The following GFRA3 variants were observed in gnomAD, a reference collection of about 807,000 sequenced individuals.
GFRA3 encodes GDNF family receptor alpha-3.
GFRA3 carries 24 observed loss-of-function variants against 40.0 expected under a neutral mutation model. That is an observed-to-expected ratio of 0.60 (90% CI 0.43 to 0.84). The LOEUF is 0.84. Among genes scored for constraint, GFRA3 ranks in the 40% least tolerant of loss-of-function variants. The pLI, the probability that GFRA3 is intolerant of heterozygous loss-of-function variation, is 0.00. For missense variants in GFRA3, 405 were observed against 530.6 expected (o/e 0.76, Z 2.33); for synonymous variants, 203 against 213.5 (o/e 0.95, Z 0.43).
In GFRA3 at chr5:138,257,650, G is replaced by C. The variant is rs750224210; in HGVS notation, c.774C>G (p.Asp258Glu). ...CCCAAACTACACACCTGCAAAGCGG[G>C]TCGGAGAAGCAGAGGCGCCGCAGCT... Reference protein sequence around the residue: ...CLELRRLCFSDPLCRSRLVDF... With the variant: ...CLELRRLCFSEPLCRSRLVDF... The change falls in exon 4 of 8, where the codon GAC becomes GAG. Residue 258 changes from aspartate (D) to glutamate (E), a missense_variant. Physicochemically the swap from Asp to Glu is conservative, Grantham distance 45. Transcript: ENST00000274721. 6.2e-7 allele frequency: 1 copy of C among 1,609,330 alleles called. No individual in the cohort carries two copies. Among genetic ancestry groups the C allele is most frequent in the Non-Finnish European group, 8.5e-7 (1 of 1,178,938 alleles).
At position 138,257,754 on chromosome 5, in the gene GFRA3, C is replaced by A; in HGVS notation, c.670G>T (p.Asp224Tyr). 1 of 1,610,086 alleles carries A rather than the reference C, an allele frequency of 6.2e-7. No homozygotes were observed. The highest frequency in any genetic ancestry group is 1.1e-5 in the South Asian group (1 of 90,888). Residue 224 changes from aspartate (D) to tyrosine (Y), a missense_variant, in exon 4 of 8, where the codon GAC becomes TAC. Transcript: ENST00000274721. ...GLLLCPCAPN[D>Y]RGCGERRRNT... Reference sequence around the variant, plus strand: ...CGCCGGCGCTCCCCGCAGCCCCGGTCGTTGGGGGCACATGGGCACAGTAGC... The same window carrying A: ...CGCCGGCGCTCCCCGCAGCCCCGGTAGTTGGGGGCACATGGGCACAGTAGC...
intron 2 of GFRA3, among the ~76,000 whole-genome samples, chr5:138,263,123 G>A (rs1755735356): frequency 6.6e-6 from 1 of 151,958 alleles, no homozygotes; most frequent in African/African-American, 2.4e-5. Flanking sequence ...CCACCACCAT[G>A]CCCAGCTAAT....
Position 138,253,028 on chromosome 5 carries a change from G to C in GFRA3, c.1143C>G (p.Pro381=), listed in dbSNP as rs1448702074. 2 of 1,605,898 alleles carry C rather than the reference G, an allele frequency of 1.2e-6. No homozygotes were observed. The highest frequency in any genetic ancestry group is 1.7e-5 in the Admixed American group (1 of 59,962). The change falls in exon 8 of 8, where the codon CCC becomes CCG. Residue 381 remains proline, a synonymous_variant. Transcript: ENST00000274721. ...QNENPAVRPQ[P]WVPSLFSCTL... Reference sequence around the variant, plus strand: ...TGCAGGAGAAAAGAGAGGGCACCCAGGGCTGTGGCCTCACAGCAGGGTTTT... The same window carrying C: ...TGCAGGAGAAAAGAGAGGGCACCCACGGCTGTGGCCTCACAGCAGGGTTTT...
At chr5:138,264,575 T>C in intron 1 of GFRA3, 27 bp from the exon 2 acceptor site, 1 of 1,499,836 alleles carries the variant, frequency 6.7e-7, no homozygotes, top group Non-Finnish European at 9.1e-7. Context: ...CAGGTGAGGC[T>C]ACGTAAGATT....
At chr5:138,254,025 A>G in intron 5 of GFRA3, 32 bp downstream of exon 5, 3 of 1,559,794 alleles carry the variant, frequency 1.9e-6, no homozygotes. Context: ...CCTAGCCAAC[A>G]TAGGGTTCCC....
chr5:138,268,924 C>CA (rs70979600), intron 1 of GFRA3, among the ~76,000 whole-genome samples: 36,365 of 91,924 alleles, frequency 0.4, 6,033 homozygotes, highest in South Asian at 0.48. Flanking sequence ...GACTCCATCT[C>CA]AAAAAAAAAA....
At chr5:138,257,452 GA>G (rs1415419598) in intron 4 of GFRA3, among the ~76,000 whole-genome samples, 186 bp downstream of exon 4, 2 of 151,826 alleles carry the variant, frequency 1.3e-5, no homozygotes, top group Admixed American at 6.6e-5. Context: ...TTACAGCAAA[GA>G]AAAAAAAGAC....
At chr5:138,260,638 G>A (rs747641146) in intron 2 of GFRA3, among the ~76,000 whole-genome samples, 18 of 152,046 alleles carry the variant, frequency 1.2e-4, no homozygotes, top group Non-Finnish European at 2.5e-4. Flanking sequence ...GCATGGTGGC[G>A]CATGCCTGTA....
At chr5:138,256,353 C>A (rs574905951) in intron 4 of GFRA3, among the ~76,000 whole-genome samples, 1 of 151,394 alleles carries the variant, frequency 6.6e-6, no homozygotes, top group South Asian at 2.1e-4. Flanking sequence ...ACGGTGAAAC[C>A]CCGTCTCTAC....
intron 2 of GFRA3, among the ~76,000 whole-genome samples, chr5:138,263,353 T>C (rs1389843516): frequency 1.3e-5 from 2 of 152,216 alleles, no homozygotes. Flanking sequence ...GAGAAATGAA[T>C]ACTTTGACAA....
In GFRA3 at chr5:138,254,167, G is replaced by T; in HGVS notation, c.786-7C>A. ...GAAATCCACCAGGCGTGATCTGGAA[G>T]AAGGGAAATTTCTGTCTTTCTTTTT... On this transcript the variant is annotated splice_polypyrimidine_tract_variant and splice_region_variant and intron_variant, in intron 4 of 7. Coordinates refer to ENST00000274721, the MANE Select transcript of GFRA3 (RefSeq NM_001496.4). The T allele has an allele frequency of 1.8e-5, 26 of 1,448,452 alleles. No individual in the cohort carries two copies. The highest frequency in any genetic ancestry group is 2.5e-5 in the Non-Finnish European group (26 of 1,033,240). The allele number at this position is 1,448,452 out of a possible 1,614,324, so 89.7% of individuals were successfully genotyped here. A position where few individuals can be genotyped will look rare whatever the true frequency, so the allele number is the denominator to read the frequency against.
intron 1 of GFRA3, among the ~76,000 whole-genome samples, chr5:138,269,871 C>G (rs1755843540): frequency 1.4e-5 from 2 of 147,280 alleles, no homozygotes; most frequent in South Asian, 4.3e-4. Flanking sequence ...AAAAGTAGAA[C>G]TACCATTTGA....
At chr5:138,270,419 G>T (rs1183374914) in intron 1 of GFRA3, among the ~76,000 whole-genome samples, 2 of 151,028 alleles carry the variant, frequency 1.3e-5, no homozygotes, top group East Asian at 3.9e-4. Context: ...CAGCAACCTA[G>T]ATGAGATTGG....
intron 2 of GFRA3, among the ~76,000 whole-genome samples, chr5:138,261,275 A>G (rs977330524): frequency 2.0e-5 from 3 of 152,226 alleles, no homozygotes; most frequent in African/African-American, 7.2e-5. Context: ...GAAGTTTACT[A>G]GTATGTCTTG....
At chr5:138,253,183 A>G (rs1755574067) in intron 7 of GFRA3, 104 bp downstream of exon 7, 1 of 868,104 alleles carries the variant, frequency 1.2e-6, no homozygotes. Context: ...TATTCAGGGC[A>G]ATGAGGAGGT....
At chr5:138,259,883 G>A (rs1755686133) in intron 2 of GFRA3, among the ~76,000 whole-genome samples, 1 of 152,154 alleles carries the variant, frequency 6.6e-6, no homozygotes, top group African/African-American at 2.4e-5. Flanking sequence ...TAAGCACACT[G>A]TGTGCTGAGC....
intron 1 of GFRA3, among the ~76,000 whole-genome samples, chr5:138,265,617 T>C (rs1474095967): frequency 6.6e-6 from 1 of 152,168 alleles, no homozygotes; most frequent in Non-Finnish European, 1.5e-5. Flanking sequence ...TGTCACTACC[T>C]CCTTAGATCA....
Position 138,254,150 on chromosome 5 carries a change from C to T in GFRA3, c.796G>A (p.Val266Met), listed in dbSNP as rs1472662323. The T allele has an allele frequency of 2.5e-6, 4 of 1,593,742 alleles. No homozygotes were observed. The highest frequency in any genetic ancestry group is 2.6e-6 in the Non-Finnish European group (3 of 1,161,556). ...GGATGGCAGTGGGTCTGGAAATCCACCAGGCGTGATCTGGAAGAAGGGAAA... is the reference window on the plus strand; with the variant it reads ...GGATGGCAGTGGGTCTGGAAATCCATCAGGCGTGATCTGGAAGAAGGGAAA... ...FSDPLCRSRLVDFQTHCHPMD... is the reference protein window; with the variant it reads ...FSDPLCRSRLMDFQTHCHPMD... Residue 266 changes from valine (V) to methionine (M), a missense_variant, in exon 5 of 8, where the codon GTG (valine) becomes ATG (methionine). Physicochemically the swap from Val to Met is conservative, Grantham distance 21. Coordinates refer to ENST00000274721, the MANE Select transcript of GFRA3 (RefSeq NM_001496.4).
At chr5:138,262,326 G>A (rs559023764) in intron 2 of GFRA3, among the ~76,000 whole-genome samples, 11 of 152,302 alleles carry the variant, frequency 7.2e-5, no homozygotes, top group African/African-American at 2.4e-4. Flanking sequence ...AACTACTCCC[G>A]TGGAGTAAAA....
Sources: allele counts gnomAD v4.1 joint callset (sites outside exome capture counted in the v4.1 genomes callset), GRCh38; gene constraint gnomAD v4.1.1; transcripts MANE v1.5; gene names NCBI Gene and HGNC (gene_info 2026-07-23, HGNC 2026-07-21).